The following RANBP2 variants were observed in gnomAD, a reference collection of about 807,000 sequenced individuals.
The protein encoded by RANBP2 is E3 SUMO-protein ligase RanBP2.
Under a neutral mutation model 303.6 loss-of-function variants are expected in RANBP2, and 57 were observed. That is an observed-to-expected ratio of 0.19 (90% CI 0.15 to 0.23). The LOEUF (loss-of-function observed/expected upper bound fraction) is 0.23. RANBP2 is among the 10% of genes least tolerant of loss of function. The pLI, the probability that RANBP2 is intolerant of heterozygous loss-of-function variation, is 1.00. For missense variants in RANBP2, 3,138 were observed against 3,780.8 expected (o/e 0.83, Z 4.46); for synonymous variants, 1,167 against 1,301.5 (o/e 0.90, Z 2.23).
rs778322620 is a variant in RANBP2 at position 108,764,745 on chromosome 2, G to C, written c.4206G>C (p.Glu1402Asp). The change falls in exon 20 of 29, where the codon GAG becomes GAC. Residue 1402 changes from glutamate to aspartate, a missense_variant. By Grantham distance (45) the Glu-to-Asp change is conservative (BLOSUM62 2). This residue lies in a region of RANBP2 where 388 missense variants were observed against 328.5 expected (regional missense o/e 1.18). Coordinates refer to ENST00000283195, the MANE Select transcript of RANBP2 (RefSeq NM_006267.5). ...ETVFTPKTSP[E>D]NVQDRFALVT... ...TTTTTACTCCTAAAACCAGCCCAGAGAATGTTCAAGATCGATTTGCATTGG... is the reference window on the plus strand; with the variant it reads ...TTTTTACTCCTAAAACCAGCCCAGACAATGTTCAAGATCGATTTGCATTGG... 10 of 1,613,930 alleles carry C rather than the reference G, an allele frequency of 6.2e-6. No individual in the cohort carries two copies. The highest frequency in any genetic ancestry group is 8.5e-6 in the Non-Finnish European group (10 of 1,179,988).
the RANBP2 span, among the ~76,000 whole-genome samples, chr2:109,288,623 G>A: frequency 6.6e-6 from 1 of 152,176 alleles, no homozygotes; most frequent in Non-Finnish European, 1.5e-5. Context: ...TTTTTGCAAG[G>A]CAAGTCATTG....
the RANBP2 span, among the ~76,000 whole-genome samples, chr2:109,455,034 A>G: frequency 1.3e-5 from 2 of 152,078 alleles, no homozygotes; most frequent in Admixed American, 1.3e-4. Flanking sequence ...TAAACTCTCC[A>G]TTTTCCATGA....
chr2:109,332,558 T>G, the RANBP2 span, among the ~76,000 whole-genome samples: 1 of 152,286 alleles, frequency 6.6e-6, no homozygotes, highest in South Asian at 2.1e-4. Flanking sequence ...TCCCCGCAGT[T>G]CAGCCCTCTC....
At chr2:109,285,320 A>G in the RANBP2 span, among the ~76,000 whole-genome samples, 4 of 152,260 alleles carry the variant, frequency 2.6e-5, no homozygotes, top group African/African-American at 9.6e-5. Flanking sequence ...GCTGAAATAC[A>G]GGTGTTCATG....
At chr2:109,148,057 G>T in the RANBP2 span, among the ~76,000 whole-genome samples, 1 of 152,152 alleles carries the variant, frequency 6.6e-6, no homozygotes, top group African/African-American at 2.4e-5. Flanking sequence ...GGTGACTGTG[G>T]AATTCGAGTT....
the RANBP2 span, among the ~76,000 whole-genome samples, chr2:109,146,565 A>C: frequency 6.6e-6 from 1 of 151,972 alleles, no homozygotes; most frequent in Admixed American, 6.6e-5. Flanking sequence ...CCTACCTCTG[A>C]ATGCACGCTC....
the RANBP2 span, among the ~76,000 whole-genome samples, chr2:109,279,531 C>T: frequency 2.6e-5 from 4 of 152,198 alleles, no homozygotes; most frequent in Non-Finnish European, 5.9e-5. Flanking sequence ...CTCCATCACC[C>T]TTGTCCTACA....
At chr2:108,805,780 A>G in the RANBP2 span, among the ~76,000 whole-genome samples, 1 of 152,162 alleles carries the variant, frequency 6.6e-6, no homozygotes, top group South Asian at 2.1e-4. Flanking sequence ...TGCATAACAT[A>G]AATAGTTTTG....
At chr2:109,728,572 T>C in the RANBP2 span, among the ~76,000 whole-genome samples, 3 of 151,424 alleles carry the variant, frequency 2.0e-5, no homozygotes, top group Non-Finnish European at 4.4e-5. Flanking sequence ...TCTCCTGCCT[T>C]AGCCTCCCGA....
At chr2:109,721,858 C>T in the RANBP2 span, among the ~76,000 whole-genome samples, 3 of 152,198 alleles carry the variant, frequency 2.0e-5, no homozygotes, top group African/African-American at 7.2e-5. Context: ...TGCCCCAATT[C>T]CCACCAGCCT....
At chr2:109,521,383 C>T in the RANBP2 span, among the ~76,000 whole-genome samples, 8 of 152,118 alleles carry the variant, frequency 5.3e-5, 1 homozygote, top group South Asian at 1.7e-3. Context: ...GATCAGGCTC[C>T]CCAGGGTGCT....
chr2:108,907,679 A>T, the RANBP2 span, among the ~76,000 whole-genome samples: 2 of 151,884 alleles, frequency 1.3e-5, no homozygotes, highest in Admixed American at 1.3e-4. Flanking sequence ...CAAAAACGAA[A>T]GGGTTTTTTT....
At chr2:108,741,816 T>G (rs1329154582) in intron 7 of RANBP2, among the ~76,000 whole-genome samples, 1 of 145,602 alleles carries the variant, frequency 6.9e-6, no homozygotes, top group African/African-American at 2.5e-5. Context: ...CCAGCCTTTT[T>G]TTTTTTTTTT....
the RANBP2 span, among the ~76,000 whole-genome samples, chr2:109,281,452 G>A: frequency 8.7e-4 from 132 of 152,286 alleles, 1 homozygote; most frequent in African/African-American, 3.1e-3. Flanking sequence ...TCCAGCACAC[G>A]CACAGCACGT....
the RANBP2 span, among the ~76,000 whole-genome samples, chr2:109,634,731 A>T: frequency 6.6e-6 from 1 of 152,250 alleles, no homozygotes; most frequent in Non-Finnish European, 1.5e-5. Context: ...ACAACTCATG[A>T]TGTTAAAAAG....
chr2:109,429,773 G>C, the RANBP2 span, among the ~76,000 whole-genome samples: 1 of 152,206 alleles, frequency 6.6e-6, no homozygotes, highest in Non-Finnish European at 1.5e-5. Context: ...TGTGCAAGAA[G>C]GCCACAGACA....
the RANBP2 span, among the ~76,000 whole-genome samples, chr2:108,950,603 C>T: frequency 1.3e-5 from 2 of 152,214 alleles, no homozygotes; most frequent in Non-Finnish European, 2.9e-5. Context: ...CTGAACACCA[C>T]AAAGCTCCAA....
At chr2:109,262,512 AG>A in the RANBP2 span, among the ~76,000 whole-genome samples, 1 of 152,212 alleles carries the variant, frequency 6.6e-6, no homozygotes, top group Non-Finnish European at 1.5e-5. Flanking sequence ...AAACCTACCC[AG>A]GCCCTTTCCT....
the RANBP2 span, among the ~76,000 whole-genome samples, chr2:109,488,854 G>A: frequency 1.3e-5 from 2 of 152,234 alleles, no homozygotes; most frequent in African/African-American, 4.8e-5. Context: ...GTTATTGGAG[G>A]GAGAGTGAGG....
Sources: gnomAD v4.1 joint callset for allele counts (sites outside exome capture counted in the v4.1 genomes callset) on GRCh38, gnomAD v4.1.1 for gene constraint, gnomAD v4.1.1 regional missense constraint, MANE v1.5 for transcripts, NCBI Gene and HGNC (gene_info 2026-07-23, HGNC 2026-07-21) for gene names.